Variants in DCC observed in about 807,000 individuals in gnomAD.
The protein encoded by DCC is DCC netrin 1 receptor.
DCC carries 58 observed loss-of-function variants against 172.5 expected under a neutral mutation model. The ratio of observed to expected loss-of-function variants is 0.34; its 90% CI spans 0.27 to 0.42. DCC has a LOEUF of 0.42. Among genes scored for constraint, DCC ranks in the 10% least tolerant of loss-of-function variants. DCC has a pLI of 1.00. For synonymous variants in DCC, 709 were observed against 644.5 expected, an observed-to-expected ratio of 1.10 and a Z score of -1.52; for missense variants, 1,740 against 1,791.0, an observed-to-expected ratio of 0.97 and a Z score of 0.51.
At position 52,373,231 on chromosome 18, in the gene DCC, A is replaced by T. The variant is rs1025987407; in HGVS notation, c.91+32353A>T. 2.0e-5 allele frequency among the ~76,000 whole-genome samples: 3 copies of T among 152,144 alleles called. No homozygotes were observed. The South Asian group carries it at 6.2e-4, about 32-fold the overall frequency. ...ACAGTTTTTTTTCCAAAAAATGTGC[A>T]TCTTTCCCCCTACCCTCAAATGTGA... On this transcript the variant is annotated intron_variant, in intron 1 of 28. Coordinates refer to ENST00000442544, the MANE Select transcript of DCC (RefSeq NM_005215.4).
At chr18:53,405,464 T>C in intron 19 of DCC, among the ~76,000 whole-genome samples, 1 of 152,146 alleles carries the variant, frequency 6.6e-6, no homozygotes, top group East Asian at 1.9e-4. Context: ...TGTAATACAG[T>C]GCTGAGAAAA....
At chr18:52,367,125 C>A (rs184803421) in intron 1 of DCC, among the ~76,000 whole-genome samples, 1 of 152,362 alleles carries the variant, frequency 6.6e-6, no homozygotes, top group East Asian at 1.9e-4. Context: ...ACCCAGTACA[C>A]CCTCCACAGC....
chr18:52,567,886 T>C (rs761841067), intron 1 of DCC, among the ~76,000 whole-genome samples: 1 of 152,138 alleles, frequency 6.6e-6, no homozygotes, highest in Non-Finnish European at 1.5e-5. Context: ...TTGACTGTGA[T>C]GATAACTATT....
At chr18:52,580,227 C>A (rs1409614441) in intron 1 of DCC, among the ~76,000 whole-genome samples, 1 of 152,188 alleles carries the variant, frequency 6.6e-6, no homozygotes, top group Admixed American at 6.5e-5. Context: ...AAGGCCCAAT[C>A]AGAATCAAAG....
Position 53,023,482 on chromosome 18 carries a change from C to T in DCC, c.986-39823C>T, listed in dbSNP as rs1304713723. Reference sequence around the variant, plus strand: ...GTAATACGTCTTCAATGTTAAAAATCTGGACCCTGTGATGAAATAATTTGT... The same window carrying T: ...GTAATACGTCTTCAATGTTAAAAATTTGGACCCTGTGATGAAATAATTTGT... On this transcript the variant is annotated intron_variant, in intron 5 of 28. Coordinates refer to ENST00000442544, the MANE Select transcript of DCC (RefSeq NM_005215.4). 2.1e-5 allele frequency among the ~76,000 whole-genome samples: 3 copies of T among 144,172 alleles called. No individual in the cohort carries two copies. In the East Asian group the frequency reaches 6.4e-4, roughly 31 times the overall value. The allele number at this position is 144,172 out of a possible 152,430, so 94.6% of individuals were successfully genotyped here. A position where few individuals can be genotyped will look rare whatever the true frequency, so the allele number is the denominator to read the frequency against.
intron 5 of DCC, among the ~76,000 whole-genome samples, chr18:52,974,029 T>C (rs1297526558): frequency 2.0e-5 from 3 of 152,136 alleles, no homozygotes; most frequent in Non-Finnish European, 4.4e-5. Context: ...TAGATAAAAA[T>C]TGTTAGTGTA....
chr18:53,139,539 C>A (rs556904509), intron 7 of DCC, among the ~76,000 whole-genome samples: 3 of 152,216 alleles, frequency 2.0e-5, no homozygotes, highest in African/African-American at 7.2e-5. Flanking sequence ...ATCTTGAATA[C>A]CTTTTTTGTT....
intron 1 of DCC, among the ~76,000 whole-genome samples, chr18:52,611,444 T>C (rs2034276007): frequency 6.6e-6 from 1 of 152,214 alleles, no homozygotes; most frequent in African/African-American, 2.4e-5. Flanking sequence ...CTTTCATTAA[T>C]ACATTGATTA....
intron 25 of DCC, 28 bp downstream of exon 25, chr18:53,468,038 G>C: frequency 9.9e-7 from 1 of 1,008,258 alleles, no homozygotes; most frequent in Non-Finnish European, 1.6e-6. Context: ...CCACAATGAA[G>C]AAATGAAATG....
chr18:53,495,855 T>A (rs1568168012), intron 26 of DCC, among the ~76,000 whole-genome samples: 2 of 152,178 alleles, frequency 1.3e-5, no homozygotes, highest in Admixed American at 6.5e-5. Flanking sequence ...CTTTATTTCA[T>A]TAAGTTGATT....
intron 2 of DCC, among the ~76,000 whole-genome samples, chr18:52,788,836 G>C (rs925972588): frequency 6.6e-6 from 1 of 152,142 alleles, no homozygotes; most frequent in Non-Finnish European, 1.5e-5. Context: ...TTTTATAATG[G>C]ATTTTGGATC....
intron 5 of DCC, among the ~76,000 whole-genome samples, chr18:52,949,404 A>G (rs1685668598): frequency 6.6e-6 from 1 of 152,192 alleles, no homozygotes; most frequent in Admixed American, 6.5e-5. Flanking sequence ...GCCCCTACTT[A>G]GGGGCAGAAC....
chr18:52,358,506 C>A (rs1195315452), intron 1 of DCC, among the ~76,000 whole-genome samples: 1 of 152,200 alleles, frequency 6.6e-6, no homozygotes, highest in Non-Finnish European at 1.5e-5. Flanking sequence ...TCAGAAAAGC[C>A]ATGTAAATTA....
At chr18:53,383,233 A>C (rs570935121) in intron 15 of DCC, among the ~76,000 whole-genome samples, 1 of 151,964 alleles carries the variant, frequency 6.6e-6, no homozygotes, top group Non-Finnish European at 1.5e-5. Flanking sequence ...TAATGCTTAG[A>C]TCCATTCATT....
intron 21 of DCC, among the ~76,000 whole-genome samples, chr18:53,427,385 T>C (rs1414234112): frequency 2.0e-5 from 3 of 152,134 alleles, no homozygotes; most frequent in Admixed American, 1.3e-4. Flanking sequence ...ACTACTGATA[T>C]TATGAAGCCA....
chr18:53,022,471 G>A (rs996360791), intron 5 of DCC, among the ~76,000 whole-genome samples: 12 of 151,468 alleles, frequency 7.9e-5, no homozygotes, highest in Admixed American at 6.6e-5. Context: ...CACTTAATAA[G>A]TCTTAATTAT....
chr18:53,430,223 C>T (rs10163842), intron 21 of DCC, among the ~76,000 whole-genome samples: 65,693 of 151,958 alleles, frequency 0.43, 15,989 homozygotes, highest in Non-Finnish European at 0.56. Context: ...GCTCAGCACC[C>T]TTGGAAAGAT....
At chr18:53,094,548 G>A (rs1406392041) in intron 7 of DCC, among the ~76,000 whole-genome samples, 1 of 152,212 alleles carries the variant, frequency 6.6e-6, no homozygotes, top group Non-Finnish European at 1.5e-5. Flanking sequence ...AATTTGGACT[G>A]CAAATTATAG....
intron 12 of DCC, among the ~76,000 whole-genome samples, chr18:53,231,911 T>C (rs1362569001): frequency 1.3e-5 from 2 of 152,158 alleles, no homozygotes; most frequent in Non-Finnish European, 1.5e-5. Context: ...AAGTCTGATT[T>C]TCCAATAGTT....
Sources: allele counts gnomAD v4.1 joint callset (sites outside exome capture counted in the v4.1 genomes callset), GRCh38; gene constraint gnomAD v4.1.1; transcripts MANE v1.5; gene names NCBI Gene and HGNC (gene_info 2026-07-23, HGNC 2026-07-21).